Variants in ODAD2 observed in about 807,000 individuals in gnomAD.
ODAD2 encodes the protein outer dynein arm docking complex subunit 2, also known as outer dynein arm-docking complex subunit 2.
Under a neutral mutation model 106.8 loss-of-function variants are expected in ODAD2, and 89 were observed. The ratio of observed to expected loss-of-function variants is 0.83; its 90% confidence interval spans 0.70 to 0.99. ODAD2 has a LOEUF of 0.99. ODAD2 is among the 50% of genes least tolerant of loss of function. The pLI is 0.00. For missense variants in ODAD2, 1,168 were observed against 1,238.5 expected (o/e 0.94, Z 0.85); for synonymous variants, 404 against 436.2 (o/e 0.93, Z 0.92).
intron 19 of ODAD2, among the ~76,000 whole-genome samples, chr10:27,818,711 C>T (rs1490895613): frequency 6.6e-6 from 1 of 152,242 alleles, no homozygotes; most frequent in South Asian, 2.1e-4. Context: ...ATCTACCTCT[C>T]ATGGCCACCC....
At chr10:27,893,278 T>A (rs1259454580) in intron 17 of ODAD2, among the ~76,000 whole-genome samples, 2 of 152,138 alleles carry the variant, frequency 1.3e-5, no homozygotes, top group South Asian at 4.1e-4. Flanking sequence ...AACACATACA[T>A]CTGAAAATGT....
chr10:27,981,649 A>C (rs1352379475), intron 6 of ODAD2, 67 bp from the exon 7 acceptor site: 3 of 1,102,590 alleles, frequency 2.7e-6, no homozygotes, highest in Admixed American at 2.8e-5. Flanking sequence ...TGATCAATAC[A>C]TCACAAGCTA....
At position 27,812,308 on chromosome 10, in the gene ODAD2, T is replaced by C. The variant is rs1421248482; in HGVS notation, c.*204A>G. ...TGGCTTTCCATCTTATCACATGTCA[T>C]ATCTCGAAAACATTAAATAGAAACA... On this transcript the variant is annotated 3_prime_UTR_variant, in exon 20 of 20. Coordinates refer to ENST00000305242, the MANE Select transcript of ODAD2 (RefSeq NM_018076.5). 3.7e-6 allele frequency: 2 copies of C among 545,932 alleles called. No homozygotes were observed. The highest frequency in any genetic ancestry group is 6.3e-6 in the Non-Finnish European group (2 of 318,144). 33.8% of individuals were successfully genotyped at this position (545,932 alleles called of 1,614,324 possible). A position where few individuals can be genotyped will look rare whatever the true frequency, so the allele number is the denominator to read the frequency against.
At chr10:27,912,981 C>A (rs990317225) in intron 16 of ODAD2, among the ~76,000 whole-genome samples, 1 of 152,072 alleles carries the variant, frequency 6.6e-6, no homozygotes, top group Non-Finnish European at 1.5e-5. Flanking sequence ...GTGAATGTGG[C>A]AGTCTTGGGA....
At chr10:27,981,359 TA>T in intron 7 of ODAD2, 106 bp downstream of exon 7, 1 of 1,092,274 alleles carries the variant, frequency 9.2e-7, no homozygotes, top group Non-Finnish European at 1.2e-6. Context: ...CCACTAATAA[TA>T]AAAAGTGCCC....
At chr10:27,992,013 T>G (rs11818106) in intron 2 of ODAD2, among the ~76,000 whole-genome samples, 1 of 152,176 alleles carries the variant, frequency 6.6e-6, no homozygotes, top group Non-Finnish European at 1.5e-5. Context: ...CTTGTTCTCA[T>G]AGCAAACACT....
chr10:27,822,966 C>T (rs961672656), intron 19 of ODAD2, among the ~76,000 whole-genome samples: 2 of 152,142 alleles, frequency 1.3e-5, no homozygotes, highest in African/African-American at 4.8e-5. Context: ...GAGACTCGCA[C>T]ATTGGGTCTA....
intron 17 of ODAD2, among the ~76,000 whole-genome samples, chr10:27,896,484 A>G (rs1842861151): frequency 6.6e-6 from 1 of 152,214 alleles, no homozygotes; most frequent in Non-Finnish European, 1.5e-5. Flanking sequence ...AGATAGAGAG[A>G]TAGATAAGCA....
chr10:27,987,617 A>G (rs1849956617), intron 2 of ODAD2, 74 bp from the exon 3 acceptor site: 5 of 1,039,096 alleles, frequency 4.8e-6, no homozygotes, highest in Non-Finnish European at 6.9e-6. Flanking sequence ...TAAGACATTT[A>G]GACAGATTAT....
chr10:27,850,029 G>A (rs1839126746), intron 19 of ODAD2, among the ~76,000 whole-genome samples: 1 of 152,118 alleles, frequency 6.6e-6, no homozygotes, highest in South Asian at 2.1e-4. Context: ...CTAATCAAAT[G>A]GACACAGCAC....
At chr10:27,821,209 G>A (rs1836582119) in intron 19 of ODAD2, among the ~76,000 whole-genome samples, 1 of 152,116 alleles carries the variant, frequency 6.6e-6, no homozygotes. Context: ...TTTTCTGTGT[G>A]CTCCGGGTAT....
intron 19 of ODAD2, among the ~76,000 whole-genome samples, chr10:27,839,006 C>T (rs772151957): frequency 2.6e-5 from 4 of 152,140 alleles, no homozygotes; most frequent in Non-Finnish European, 5.9e-5. Flanking sequence ...ATATCCAAAC[C>T]TATTTAAATT....
At chr10:27,895,503 G>T (rs898702283) in intron 17 of ODAD2, among the ~76,000 whole-genome samples, 5 of 152,070 alleles carry the variant, frequency 3.3e-5, no homozygotes, top group Admixed American at 1.3e-4. Flanking sequence ...GGCCAGGCTG[G>T]GTCTTGAACC....
intron 17 of ODAD2, among the ~76,000 whole-genome samples, chr10:27,866,510 T>C (rs888582295): frequency 5.9e-5 from 9 of 152,274 alleles, no homozygotes; most frequent in Non-Finnish European, 1.2e-4. Flanking sequence ...TCCAATTGTG[T>C]TACTATGAAG....
At chr10:27,864,578 A>AGTGAGGTGAGAT in intron 17 of ODAD2, among the ~76,000 whole-genome samples, 1 of 76,310 alleles carries the variant, frequency 1.3e-5, no homozygotes, top group Admixed American at 1.1e-4. Flanking sequence ...TGAGGTGAGA[A>AGTGAGGTGAGAT]TGGGGAGTGA....
chr10:27,977,315 A>C (rs924921452), intron 7 of ODAD2, among the ~76,000 whole-genome samples: 2 of 152,060 alleles, frequency 1.3e-5, no homozygotes, highest in African/African-American at 4.8e-5. Context: ...CTGTAATCCC[A>C]GCACTTTGAG....
intron 19 of ODAD2, among the ~76,000 whole-genome samples, chr10:27,856,954 C>T (rs557075187): frequency 4.6e-5 from 7 of 152,010 alleles, no homozygotes; most frequent in African/African-American, 1.4e-4. Context: ...ACGACAAGAC[C>T]GAAACTCCGT....
At chr10:27,934,649 A>T (rs1410680193) in intron 16 of ODAD2, among the ~76,000 whole-genome samples, 1 of 152,118 alleles carries the variant, frequency 6.6e-6, no homozygotes, top group Non-Finnish European at 1.5e-5. Context: ...ATAGGTGAGA[A>T]ACAAGAAGGC....
chr10:27,860,495 C>G, intron 19 of ODAD2, 130 bp downstream of exon 19: 1 of 777,522 alleles, frequency 1.3e-6, no homozygotes, highest in Non-Finnish European at 2.1e-6. Context: ...TTGAATGCAG[C>G]CATGATGCAG....
Sources: allele counts gnomAD v4.1 joint callset (sites outside exome capture counted in the v4.1 genomes callset), GRCh38; gene constraint gnomAD v4.1.1; transcripts MANE v1.5; gene names NCBI Gene and HGNC (gene_info 2026-07-23, HGNC 2026-07-21).